The following COG2 variants were observed in gnomAD, a reference collection of about 807,000 sequenced individuals.
COG2 encodes component of oligomeric golgi complex 2.
Under a neutral mutation model 90.6 loss-of-function variants are expected in COG2, and 52 were observed. That is an observed-to-expected ratio of 0.57 (90% CI 0.46 to 0.72). The LOEUF is 0.72. Among genes scored for constraint, COG2 ranks in the 30% least tolerant of loss-of-function variants. The pLI is 0.00. For missense variants in COG2, 829 were observed against 891.2 expected, an observed-to-expected ratio of 0.93 and a Z score of 0.89; for synonymous variants, 337 against 320.4, an observed-to-expected ratio of 1.05 and a Z score of -0.55.
chr1:230,649,341 G>A (rs971060530), intron 1 of COG2, among the ~76,000 whole-genome samples: 2 of 152,144 alleles, frequency 1.3e-5, no homozygotes, highest in African/African-American at 4.8e-5. Flanking sequence ...AGGTTTGAGG[G>A]CAGGGGCTGG....
chr1:230,663,147 AG>A lies in COG2; in HGVS notation c.308del (p.Arg103AsnfsTer29). On this transcript the variant is annotated frameshift_variant, in exon 4 of 18. Coordinates refer to ENST00000366669, the MANE Select transcript of COG2 (RefSeq NM_007357.3). LOFTEE classifies it high-confidence loss of function. ...TTTTTTTTGTCTTTTAAAGAGCCTT[AG>A]ATCGTCTGTCAGTGAAGGAATTCGG... ...GQLREEVLSL[R>X]SSVSEGIRAV... 6.2e-7 allele frequency: 1 copy of A among 1,608,300 alleles called. No homozygotes were observed. The highest frequency in any genetic ancestry group is 8.5e-7 in the Non-Finnish European group (1 of 1,177,274).
At chr1:230,688,633 G>A in intron 15 of COG2, 71 bp downstream of exon 15, 1 of 1,541,002 alleles carries the variant, frequency 6.5e-7, no homozygotes, top group East Asian at 2.3e-5. Flanking sequence ...GAGGAAGGAA[G>A]GAAGGAAGCG....
chr1:230,646,694 G>A (rs1661793373), intron 1 of COG2, among the ~76,000 whole-genome samples: 1 of 143,126 alleles, frequency 7.0e-6, no homozygotes, highest in African/African-American at 2.5e-5. Flanking sequence ...ATTTGTTGGG[G>A]GAAGATGAAA....
chr1:230,680,028 T>C (rs1370835926), intron 10 of COG2: 1 of 152,182 alleles, frequency 6.6e-6, no homozygotes, highest in Admixed American at 6.5e-5. Context: ...CTTACAATAC[T>C]GTGTTTTATG....
chr1:230,691,394 AC>A lies in COG2; in HGVS notation c.1947del (p.Val650CysfsTer5). ...TGTCTTCTATTCAAGGTACTATGAAACCGTGTCAGATGTATTAAACTCTGTG... is the reference window on the plus strand; with the variant it reads ...TGTCTTCTATTCAAGGTACTATGAAACGTGTCAGATGTATTAAACTCTGTG... ...LSESTHKYYETVSDVLNSVKK... is the reference protein window; with the variant it reads ...LSESTHKYYEXVSDVLNSVKK... On this transcript the variant is annotated frameshift_variant, in exon 17 of 18. Coordinates refer to ENST00000366669, the MANE Select transcript of COG2 (RefSeq NM_007357.3). LOFTEE classifies it high-confidence loss of function. The A allele has an allele frequency of 6.2e-7, 1 of 1,612,352 alleles. No homozygotes were observed. Among genetic ancestry groups the A allele is most frequent in the Non-Finnish European group, 8.5e-7 (1 of 1,179,352 alleles).
chr1:230,648,012 C>T (rs889005863), intron 1 of COG2, among the ~76,000 whole-genome samples: 1 of 152,188 alleles, frequency 6.6e-6, no homozygotes, highest in African/African-American at 2.4e-5. Context: ...TGGGGCAACC[C>T]AGGGCCATTA....
Position 230,690,135 on chromosome 1 carries a change from T to G in COG2, c.1916T>G (p.Leu639Arg), listed in dbSNP as rs1019411955. 1 of 1,613,378 alleles carries G rather than the reference T, an allele frequency of 6.2e-7. No homozygotes were observed. The highest frequency in any genetic ancestry group is 1.7e-5 in the Admixed American group (1 of 59,882). The change falls in exon 16 of 18, where the codon CTC becomes CGC. Residue 639 changes from leucine (L) to arginine (R), a missense_variant. Transcript: ENST00000366669. ...AIIQQWLEGT[L>R]SESTHKYYET... ...ATTCAGCAGTGGCTAGAAGGCACTCTCAGTGAAAGCACTCATAAGTAAGTA... is the reference window on the plus strand; with the variant it reads ...ATTCAGCAGTGGCTAGAAGGCACTCGCAGTGAAAGCACTCATAAGTAAGTA...
At chr1:230,668,509 CAA>C (rs1374642446) in intron 5 of COG2, among the ~76,000 whole-genome samples, 165 bp from the exon 6 acceptor site, 1 of 152,124 alleles carries the variant, frequency 6.6e-6, no homozygotes, top group Non-Finnish European at 1.5e-5. Context: ...ACTGATGGCA[CAA>C]AAGACGCTTT....
intron 5 of COG2, 46 bp from the exon 6 acceptor site, chr1:230,668,630 A>G: frequency 8.5e-7 from 1 of 1,176,320 alleles, no homozygotes; most frequent in Non-Finnish European, 1.2e-6. Flanking sequence ...TCTCGTGGAA[A>G]TAGAGACCTT....
intron 5 of COG2, among the ~76,000 whole-genome samples, chr1:230,667,226 C>T (rs16852177): frequency 0.04 from 6,124 of 152,226 alleles, 234 homozygotes; most frequent in East Asian, 0.15. Context: ...TAGTGGGGAA[C>T]GGGCTTCTGA....
intron 1 of COG2, among the ~76,000 whole-genome samples, chr1:230,650,610 G>A (rs1017013463): frequency 6.6e-6 from 1 of 151,936 alleles, no homozygotes; most frequent in Non-Finnish European, 1.5e-5. Flanking sequence ...GTCTTTTGTT[G>A]CATGTATGAT....
intron 10 of COG2, 181 bp from the exon 11 acceptor site, chr1:230,683,393 C>T (rs934693541): frequency 7.6e-6 from 4 of 528,810 alleles, no homozygotes; most frequent in East Asian, 6.2e-5. Context: ...GGCTTAGTCA[C>T]GATTTCTTGT....
chr1:230,663,186 C>A lies in COG2; in HGVS notation c.346C>A (p.Arg116=). The change falls in exon 4 of 18, where the codon CGA becomes AGA. Residue 116 remains arginine (R), a synonymous_variant. Transcript: ENST00000366669. ...VSEGIRAVDE[R]MSKQEDIRKK... is the part of the protein sequence containing the mutation. The stretch of plus-strand genomic sequence containing the variant: ...TGAAGGAATTCGGGCAGTTGATGAA[C>A]GAATGTCTAAACAAGAGGACATTAG... 3 of 1,605,296 alleles carry A rather than the reference C, an allele frequency of 1.9e-6. No individual in the cohort carries two copies. The highest frequency in any genetic ancestry group is 2.6e-6 in the Non-Finnish European group (3 of 1,176,196).
chr1:230,667,608 ATAAT>A (rs889083709), intron 5 of COG2, among the ~76,000 whole-genome samples: 17 of 152,342 alleles, frequency 1.1e-4, no homozygotes, highest in African/African-American at 3.8e-4. Context: ...TAATTTATAA[ATAAT>A]TAATTCACAC....
chr1:230,663,257 C>G, intron 4 of COG2, 36 bp downstream of exon 4: 1 of 1,529,942 alleles, frequency 6.5e-7, no homozygotes, highest in South Asian at 1.2e-5. Context: ...ATCGTTGATT[C>G]ACTGTAGCAC....
rs1441123599 is a variant in COG2, at chr1:230,678,966, A to G, written c.1080A>G (p.Ser360=). 1.2e-6 allele frequency: 2 copies of G among 1,613,378 alleles called. No individual in the cohort carries two copies. The highest frequency in any genetic ancestry group is 8.5e-7 in the Non-Finnish European group (1 of 1,179,582). ...GAAGATTGGAACGGCAGTGTGGATC[A>G]CAGGCTAGTGTAAAGAGATTAAGAG... is the stretch of plus-strand genomic sequence containing the variant. ...FVRRLERQCG[S]QASVKRLRAH... The change falls in exon 10 of 18, where the codon TCA becomes TCG. Residue 360 remains serine (S), a synonymous_variant. Coordinates refer to ENST00000366669, the MANE Select transcript of COG2 (RefSeq NM_007357.3).
chr1:230,653,956 C>G (rs1661982859), intron 1 of COG2, among the ~76,000 whole-genome samples: 1 of 152,128 alleles, frequency 6.6e-6, no homozygotes, highest in Admixed American at 6.6e-5. Flanking sequence ...ATCCTCTCAA[C>G]TCTTGTATTG....
At chr1:230,668,623 C>T (rs909521518) in intron 5 of COG2, 53 bp from the exon 6 acceptor site, 17 of 1,102,676 alleles carry the variant, frequency 1.5e-5, no homozygotes, top group African/African-American at 3.2e-5. Context: ...GATGTATTCT[C>T]GTGGAAATAG....
rs1299023287 is a variant in COG2 at position 230,668,673 on chromosome 1, T to C, written c.486-3T>C. On this transcript the variant is annotated splice_polypyrimidine_tract_variant and splice_region_variant and intron_variant, in intron 5 of 17. Coordinates refer to ENST00000366669, the MANE Select transcript of COG2 (RefSeq NM_007357.3). ...ACACTTCTATAACTGTTTTCTCTAC[T>C]AGCCCCCTTTTGACTGGACAAATTT... is the stretch of plus-strand genomic sequence containing the variant. 1.3e-6 allele frequency: 2 copies of C among 1,591,740 alleles called. No homozygotes were observed. Among genetic ancestry groups the C allele is most frequent in the Non-Finnish European group, 8.6e-7 (1 of 1,161,250 alleles).
Sources: allele counts gnomAD v4.1 joint callset (sites outside exome capture counted in the v4.1 genomes callset), GRCh38; gene constraint gnomAD v4.1.1; transcripts MANE v1.5; gene names NCBI Gene and HGNC (gene_info 2026-07-23, HGNC 2026-07-21).